TLK1: variants seen among roughly 807,000 people sequenced by gnomAD.
TLK1 encodes the protein serine/threonine-protein kinase tousled-like 1.
TLK1 carries 24 observed loss-of-function variants against 105.3 expected under a neutral mutation model. The observed-to-expected ratio is 0.23, with a 90% confidence interval of 0.17 to 0.32. The LOEUF (loss-of-function observed/expected upper bound fraction) is 0.32. TLK1 is among the 10% of genes least tolerant of loss of function. TLK1 has a pLI of 1.00. For missense variants in TLK1, 558 were observed against 910.5 expected, an observed-to-expected ratio of 0.61 and a Z score of 4.98; for synonymous variants, 321 against 310.4, an observed-to-expected ratio of 1.03 and a Z score of -0.36.
intron 3 of TLK1, chr2:171,081,652 T>G (rs1688758935): frequency 6.9e-6 from 9 of 1,304,064 alleles, no homozygotes; most frequent in Non-Finnish European, 9.1e-6. Flanking sequence ...CAAGGGAACC[T>G]ACTGCAGATA....
intron 1 of TLK1, among the ~76,000 whole-genome samples, chr2:171,132,900 C>T (rs1691159634): frequency 6.6e-6 from 1 of 152,146 alleles, no homozygotes; most frequent in Admixed American, 6.6e-5. Context: ...TAAATCTCAA[C>T]TCCACCACAC....
intron 11 of TLK1, among the ~76,000 whole-genome samples, chr2:171,032,007 C>A (rs1686068740): frequency 6.6e-6 from 1 of 152,006 alleles, no homozygotes; most frequent in Admixed American, 6.6e-5. Context: ...AGAATCACTT[C>A]AACCTGGGAG....
intron 1 of TLK1, among the ~76,000 whole-genome samples, chr2:171,187,075 AAAAAAAAAGAAAAAGAAAAAG>A (rs1693042033): frequency 7.8e-6 from 1 of 128,374 alleles, no homozygotes; most frequent in Non-Finnish European, 1.5e-5. Flanking sequence ...AAAAAAAAAA[AAAAAAAAAGAAAAAGAAAAAG>A]AAAAAGAAAA....
intron 1 of TLK1, among the ~76,000 whole-genome samples, chr2:171,173,710 T>G (rs994847904): frequency 6.6e-6 from 1 of 152,098 alleles, no homozygotes; most frequent in African/African-American, 2.4e-5. Flanking sequence ...CTCTTTAATT[T>G]GTTTCTTCAG....
At chr2:171,204,556 CAA>C (rs77025747) in intron 1 of TLK1, among the ~76,000 whole-genome samples, 16 of 106,342 alleles carry the variant, frequency 1.5e-4, no homozygotes, top group Admixed American at 2.0e-4. Context: ...TTTGAGCATC[CAA>C]AAAAAAAAAA....
In TLK1 at chr2:170,996,656, G is replaced by C; in HGVS notation, c.2121C>G (p.Ala707=). The C allele has an allele frequency of 6.2e-7, 1 of 1,607,370 alleles. No individual in the cohort carries two copies. The highest frequency in any genetic ancestry group is 8.5e-7 in the Non-Finnish European group (1 of 1,177,918). The change falls in exon 20 of 21, where the codon GCC becomes GCG. Residue 707 remains alanine, a synonymous_variant. Coordinates refer to ENST00000431350, the MANE Select transcript of TLK1 (RefSeq NM_012290.5). ...FPVKPVVSSE[A]KAFIRRCLAY... ...CTCATTTACAAAAATTTAATACCTT[G>C]GCTTCACTGCTTACAACCGGTTTTA...
chr2:171,211,555 C>CT lies in TLK1; in HGVS notation c.-6+19589dup, dbSNP rs56870845. The stretch of plus-strand genomic sequence containing the variant: ...TAGTGATATCTGAGTTAAATGGATG[C>CT]TTTTTTTTTTTGAGATTAGAGTCTT... On this transcript the variant is annotated intron_variant, in intron 1 of 20. Transcript: ENST00000521943. 6.4e-3 allele frequency among the ~76,000 whole-genome samples: 944 copies of CT among 147,510 alleles called. 7 individuals carry two copies. Among genetic ancestry groups the CT allele is most frequent in the African/African-American group, 0.021 (842 of 40,474 alleles).
intron 1 of TLK1, chr2:171,155,611 T>C (rs370340909): frequency 2.2e-4 from 34 of 152,322 alleles, no homozygotes; most frequent in African/African-American, 7.7e-4. Flanking sequence ...GGATGAAGCC[T>C]TAAGTCACTA....
intron 3 of TLK1, chr2:171,066,885 T>C: frequency 3.2e-6 from 5 of 1,552,368 alleles, no homozygotes; most frequent in Non-Finnish European, 4.4e-6. Flanking sequence ...AACAGCCATT[T>C]AGAACAACTG....
At chr2:171,016,291 GCCA>G (rs1278975786) in intron 12 of TLK1, among the ~76,000 whole-genome samples, 1 of 151,502 alleles carries the variant, frequency 6.6e-6, no homozygotes, top group Admixed American at 6.6e-5. Context: ...ACAGGCATGC[GCCA>G]CCACACCTGG....
chr2:171,160,200 C>T lies in TLK1; in HGVS notation c.139+90G>A. On this transcript the variant is annotated intron_variant, in intron 1 of 20. Transcript: ENST00000431350. The surrounding 1 kb of genome is among the most constrained non-coding windows in gnomAD (Gnocchi z 4.4). ...CCCACCCCAGGGTCTGGCGGAGAAG[C>T]CCCGGGGCGGGGGGGGCGGGGGGGG... The T allele has an allele frequency of 1.7e-6, 2 of 1,208,676 alleles. No individual in the cohort carries two copies. Among genetic ancestry groups the T allele is most frequent in the Non-Finnish European group, 1.0e-6 (1 of 965,594 alleles). The allele number at this position is 1,208,676 out of a possible 1,614,324, so 74.9% of individuals were successfully genotyped here.
chr2:171,066,366 C>T (rs780028610), intron 3 of TLK1, among the ~76,000 whole-genome samples: 11 of 151,990 alleles, frequency 7.2e-5, no homozygotes, highest in African/African-American at 1.2e-4. Context: ...TGTTTAATAA[C>T]GTGTAATATA....
At chr2:171,011,706 C>G (rs1264602165) in intron 13 of TLK1, among the ~76,000 whole-genome samples, 1 of 152,162 alleles carries the variant, frequency 6.6e-6, no homozygotes, top group Non-Finnish European at 1.5e-5. Flanking sequence ...AATTATAGCA[C>G]TCTCACAAAG....
intron 12 of TLK1, among the ~76,000 whole-genome samples, chr2:171,020,364 A>AC (rs1223802106): frequency 6.6e-6 from 1 of 151,642 alleles, no homozygotes; most frequent in South Asian, 2.1e-4. Context: ...ACACAGTGAA[A>AC]CCCCGTCTCT....
intron 1 of TLK1, among the ~76,000 whole-genome samples, chr2:171,145,035 A>G (rs932377707): frequency 6.6e-6 from 1 of 152,186 alleles, no homozygotes; most frequent in African/African-American, 2.4e-5. Context: ...ACAGCCAGGC[A>G]CGGTGGCTCA....
intron 1 of TLK1, among the ~76,000 whole-genome samples, chr2:171,129,412 G>A (rs1691004785): frequency 6.6e-6 from 1 of 152,142 alleles, no homozygotes; most frequent in Non-Finnish European, 1.5e-5. Flanking sequence ...CCACAGAACA[G>A]TTTTTCTTTC....
At position 170,997,359 on chromosome 2, in the gene TLK1, G is replaced by A. The variant is rs146440829; in HGVS notation, c.2016+353C>T. Among the ~76,000 whole-genome samples, 233 of 152,266 alleles carry A rather than the reference G, an allele frequency of 1.5e-3. 1 individual carries two copies. Among genetic ancestry groups the A allele is most frequent in the African/African-American group, 5.5e-3 (228 of 41,546 alleles). ...GAGCAACGGGGAAACTGCCCACCCA[G>A]GCCAAACTGTGTGTGTGGGTGGGGT... On this transcript the variant is annotated intron_variant, in intron 19 of 20. Coordinates refer to ENST00000431350, the MANE Select transcript of TLK1 (RefSeq NM_012290.5).
chr2:171,066,819 A>G (rs1204508506), intron 3 of TLK1: 1 of 1,549,624 alleles, frequency 6.5e-7, no homozygotes, highest in Admixed American at 2.0e-5. Context: ...ATAAAGTTGA[A>G]CTTTCTCCCC....
chr2:171,180,116 A>G (rs1246822964), intron 1 of TLK1, among the ~76,000 whole-genome samples: 1 of 147,438 alleles, frequency 6.8e-6, no homozygotes, highest in Non-Finnish European at 1.5e-5. Context: ...AAAAAAAAAA[A>G]TTAGCCAGGC....
Sources: allele counts gnomAD v4.1 joint callset (sites outside exome capture counted in the v4.1 genomes callset), GRCh38; gene constraint gnomAD v4.1.1; non-coding constraint Gnocchi (gnomAD v3.1); transcripts MANE v1.5; gene names NCBI Gene and HGNC (gene_info 2026-07-23, HGNC 2026-07-21).